NYAP2: variants seen among roughly 807,000 people sequenced by gnomAD.
NYAP2 encodes the protein neuronal tyrosine-phosphorylated phosphoinositide-3-kinase adapter 2.
In NYAP2, 23 loss-of-function variants were observed where a neutral mutation model predicts 50.4. That is an observed-to-expected ratio of 0.46 (90% CI 0.33 to 0.65). The LOEUF is 0.65. Ranked by LOEUF, NYAP2 falls within the 30% of genes least tolerant of loss-of-function variation. The pLI is 0.02. For missense variants in NYAP2, 885 were observed against 861.0 expected (o/e 1.03, Z -0.35); for synonymous variants, 394 against 365.2 (o/e 1.08, Z -0.90).
At chr2:225,622,159 A>G (rs893366193) in intron 5 of NYAP2, among the ~76,000 whole-genome samples, 2 of 152,142 alleles carry the variant, frequency 1.3e-5, no homozygotes, top group African/African-American at 4.8e-5. Context: ...CAGCTTCCCA[A>G]GTAGCTGGGA....
intron 5 of NYAP2, among the ~76,000 whole-genome samples, chr2:225,598,259 A>G (rs1233122054): frequency 6.6e-6 from 1 of 152,112 alleles, no homozygotes; most frequent in East Asian, 1.9e-4. Context: ...CCAGCAGAAG[A>G]AAAAGCTTCA....
At chr2:225,440,272 G>A (rs1318658333) in intron 3 of NYAP2, among the ~76,000 whole-genome samples, 22 of 152,184 alleles carry the variant, frequency 1.4e-4, no homozygotes, top group Admixed American at 1.4e-3. Flanking sequence ...GATGCGCTGG[G>A]TAGAATAAAT....
chr2:225,681,445 G>A, the NYAP2 span, among the ~76,000 whole-genome samples: 2 of 152,192 alleles, frequency 1.3e-5, no homozygotes, highest in African/African-American at 4.8e-5. Context: ...TCACTGATGT[G>A]TCTAATATCT....
chr2:225,619,428 A>T (rs1331204220), intron 5 of NYAP2, among the ~76,000 whole-genome samples: 1 of 152,242 alleles, frequency 6.6e-6, no homozygotes, highest in African/African-American at 2.4e-5. Flanking sequence ...AGAGCTTAAA[A>T]GAGATCTTCA....
chr2:225,467,881 A>G (rs908492011), intron 3 of NYAP2, among the ~76,000 whole-genome samples: 2 of 152,202 alleles, frequency 1.3e-5, no homozygotes, highest in African/African-American at 4.8e-5. Flanking sequence ...TTCCTACTGC[A>G]TGCTGGCCAC....
intron 3 of NYAP2, among the ~76,000 whole-genome samples, chr2:225,412,118 C>A (rs1189075395): frequency 6.6e-6 from 1 of 150,620 alleles, no homozygotes; most frequent in Non-Finnish European, 1.5e-5. Context: ...ACCACCATGC[C>A]CAGCTAATTT....
intron 2 of NYAP2, among the ~76,000 whole-genome samples, chr2:225,402,774 GAA>G (rs1306139553): frequency 6.6e-6 from 1 of 151,998 alleles, no homozygotes; most frequent in Non-Finnish European, 1.5e-5. Context: ...CTGAGAATGA[GAA>G]AATGAGTGTG....
intron 5 of NYAP2, among the ~76,000 whole-genome samples, chr2:225,619,142 C>G (rs1693044652): frequency 6.6e-6 from 1 of 152,194 alleles, no homozygotes; most frequent in Non-Finnish European, 1.5e-5. Context: ...AATGCATTAT[C>G]TCATTTAATC....
At chr2:225,536,763 ATTCT>A (rs768117402) in intron 4 of NYAP2, among the ~76,000 whole-genome samples, 61 of 151,100 alleles carry the variant, frequency 4.0e-4, no homozygotes, top group South Asian at 2.7e-3. Context: ...GGTCTTATTC[ATTCT>A]TTCTTTCTTT....
intron 5 of NYAP2, among the ~76,000 whole-genome samples, chr2:225,607,866 T>C (rs905647183): frequency 2.0e-5 from 3 of 152,170 alleles, no homozygotes; most frequent in Admixed American, 1.3e-4. Context: ...GACATTTGCA[T>C]GTTTATGCAC....
chr2:225,402,480 C>G (rs1003097863), intron 2 of NYAP2, among the ~76,000 whole-genome samples: 1 of 151,984 alleles, frequency 6.6e-6, no homozygotes, highest in Non-Finnish European at 1.5e-5. Context: ...GCATGAGTCT[C>G]CAATATTAAT....
chr2:225,702,179 A>G, the NYAP2 span: 1 of 151,720 alleles, frequency 6.6e-6, no homozygotes, highest in Non-Finnish European at 1.5e-5. Flanking sequence ...GCAATTCACA[A>G]TTCATTGTGT....
chr2:225,610,532 G>T lies in NYAP2; in HGVS notation c.1619-16385G>T, dbSNP rs376101149. 2.6e-5 allele frequency among the ~76,000 whole-genome samples: 4 copies of T among 152,200 alleles called. No homozygotes were observed. In the East Asian group the frequency reaches 7.7e-4, roughly 29 times the overall value. On this transcript the variant is annotated intron_variant, in intron 5 of 6. Transcript: ENST00000636099. ...TTCTGTCTTCATAACATTCCAGAGAGTTTAGAATAGTAGATAGAAGGAAAT... is the reference window on the plus strand; with the variant it reads ...TTCTGTCTTCATAACATTCCAGAGATTTTAGAATAGTAGATAGAAGGAAAT...
At chr2:225,493,345 G>A (rs755746579) in intron 3 of NYAP2, among the ~76,000 whole-genome samples, 3 of 152,100 alleles carry the variant, frequency 2.0e-5, no homozygotes, top group Non-Finnish European at 2.9e-5. Context: ...CAAAGCCTAC[G>A]TTAGTGAATA....
chr2:225,410,058 C>A (rs528076114), intron 3 of NYAP2, among the ~76,000 whole-genome samples: 1 of 152,064 alleles, frequency 6.6e-6, no homozygotes, highest in East Asian at 1.9e-4. Context: ...ATTTAAAAAA[C>A]CAAAATGTTC....
intron 4 of NYAP2, among the ~76,000 whole-genome samples, chr2:225,581,683 T>TG (rs1431573123): frequency 4.6e-5 from 7 of 152,166 alleles, no homozygotes; most frequent in African/African-American, 1.7e-4. Flanking sequence ...AGGAAAGGGG[T>TG]GAACAGTCCT....
intron 5 of NYAP2, among the ~76,000 whole-genome samples, chr2:225,585,470 T>A (rs1692373415): frequency 6.6e-6 from 1 of 152,214 alleles, no homozygotes. Context: ...GACTTTCTCA[T>A]CCGACTCCAA....
chr2:225,540,832 C>G (rs1691453355), intron 4 of NYAP2, among the ~76,000 whole-genome samples: 1 of 151,964 alleles, frequency 6.6e-6, no homozygotes, highest in Admixed American at 6.6e-5. Flanking sequence ...CATATAGTAC[C>G]TCTATTTTTA....
At chr2:225,495,184 A>T (rs182367942) in intron 3 of NYAP2, among the ~76,000 whole-genome samples, 66 of 152,312 alleles carry the variant, frequency 4.3e-4, no homozygotes, top group Non-Finnish European at 8.2e-4. Context: ...TGAGTATAAG[A>T]AACAGCACTG....
Sources: allele counts gnomAD v4.1 joint callset (sites outside exome capture counted in the v4.1 genomes callset), GRCh38; gene constraint gnomAD v4.1.1; transcripts MANE v1.5; gene names NCBI Gene and HGNC (gene_info 2026-07-23, HGNC 2026-07-21).